The following PRKG1 variants were observed in gnomAD, a reference collection of about 807,000 sequenced individuals.
The protein encoded by PRKG1 is protein kinase cGMP-dependent 1.
In PRKG1, 35 loss-of-function variants were observed where a neutral mutation model predicts 88.1. The ratio of observed to expected loss-of-function variants is 0.40; its 90% confidence interval spans 0.30 to 0.53. PRKG1 has a LOEUF of 0.53. Among genes scored for constraint, PRKG1 ranks in the 20% least tolerant of loss-of-function variants. The pLI is 0.59. For synonymous variants in PRKG1, 303 were observed against 292.5 expected (o/e 1.04, Z -0.37); for missense variants, 540 against 839.8 (o/e 0.64, Z 4.41).
intron 11 of PRKG1, 134 bp from the exon 12 acceptor site, chr10:52,272,258 G>A (rs1457832441): frequency 1.8e-6 from 1 of 556,518 alleles, no homozygotes; most frequent in Non-Finnish European, 3.1e-6. Context: ...CCCCATGTGT[G>A]GGCTTAGATC....
At chr10:51,875,470 G>A (rs998364111) in intron 4 of PRKG1, among the ~76,000 whole-genome samples, 1 of 151,828 alleles carries the variant, frequency 6.6e-6, no homozygotes, top group Non-Finnish European at 1.5e-5. Flanking sequence ...ACAGGGTCTC[G>A]CTATGCTGCC....
At chr10:52,208,173 T>C (rs1839870908) in intron 9 of PRKG1, among the ~76,000 whole-genome samples, 1 of 152,192 alleles carries the variant, frequency 6.6e-6, no homozygotes, top group South Asian at 2.1e-4. Context: ...TATGATCTTG[T>C]TATAGCTTTG....
intron 3 of PRKG1, among the ~76,000 whole-genome samples, chr10:51,559,611 C>G (rs1190295857): frequency 2.0e-5 from 3 of 151,996 alleles, no homozygotes; most frequent in Non-Finnish European, 4.4e-5. Context: ...GGAACAAACA[C>G]TTTTTTAATG....
At chr10:51,519,480 C>T (rs1841680409) in intron 3 of PRKG1, among the ~76,000 whole-genome samples, 1 of 151,840 alleles carries the variant, frequency 6.6e-6, no homozygotes, top group South Asian at 2.1e-4. Flanking sequence ...TTGAGAAACA[C>T]TTGGAAAAAA....
intron 3 of PRKG1, among the ~76,000 whole-genome samples, chr10:51,774,449 T>G (rs926983125): frequency 6.6e-6 from 1 of 152,120 alleles, no homozygotes; most frequent in Non-Finnish European, 1.5e-5. Context: ...TACGGTTCTT[T>G]CCTTATTTAA....
At chr10:51,470,705 T>C (rs1250405537) in intron 3 of PRKG1, among the ~76,000 whole-genome samples, 1 of 151,930 alleles carries the variant, frequency 6.6e-6, no homozygotes, top group African/African-American at 2.4e-5. Flanking sequence ...ATATGATCAG[T>C]ACACCTGTGG....
At chr10:51,553,766 T>C (rs1320895119) in intron 3 of PRKG1, among the ~76,000 whole-genome samples, 3 of 133,084 alleles carry the variant, frequency 2.3e-5, no homozygotes, top group Admixed American at 7.6e-5. Flanking sequence ...TAGATACGTG[T>C]ATATAATATA....
intron 1 of PRKG1, among the ~76,000 whole-genome samples, chr10:51,144,081 T>C (rs577736829): frequency 6.6e-6 from 1 of 152,248 alleles, no homozygotes; most frequent in African/African-American, 2.4e-5. Flanking sequence ...TATGTTTTCC[T>C]CTAGTAGCTT....
intron 4 of PRKG1, among the ~76,000 whole-genome samples, chr10:51,858,787 C>T (rs1840787339): frequency 6.6e-6 from 1 of 152,070 alleles, no homozygotes; most frequent in Non-Finnish European, 1.5e-5. Flanking sequence ...TCAATAAAGG[C>T]ACTTTCAAAC....
At chr10:51,583,027 C>T (rs904453088) in intron 3 of PRKG1, among the ~76,000 whole-genome samples, 3 of 152,062 alleles carry the variant, frequency 2.0e-5, no homozygotes, top group Admixed American at 1.3e-4. Flanking sequence ...TTGGAAGATA[C>T]AGTTGATTTT....
rs146961310 is a variant in PRKG1 at position 51,742,619 on chromosome 10, T to G, written c.593-61966T>G. 2.8e-3 allele frequency among the ~76,000 whole-genome samples: 427 copies of G among 152,256 alleles called. 3 individuals are homozygous for G. The highest frequency in any genetic ancestry group is 0.01 in the Middle Eastern group (3 of 294). On this transcript the variant is annotated intron_variant, in intron 3 of 17. Transcript: ENST00000373980. The stretch of plus-strand genomic sequence containing the variant: ...GAGGAATCTGCAAGAAAAGGTAATG[T>G]GGAGTTGTGGTGGGTGCTGAGTTTT...
At chr10:51,753,565 T>G (rs1329837134) in intron 3 of PRKG1, among the ~76,000 whole-genome samples, 1 of 152,194 alleles carries the variant, frequency 6.6e-6, no homozygotes, top group Non-Finnish European at 1.5e-5. Context: ...ATCATTAAAT[T>G]GATAGGCATG....
At chr10:51,379,024 T>A (rs2132624434) in intron 2 of PRKG1, among the ~76,000 whole-genome samples, 1 of 152,314 alleles carries the variant, frequency 6.6e-6, no homozygotes. Flanking sequence ...ACAGTCATGG[T>A]GAGCTTGACT....
chr10:51,166,043 G>A (rs1201588116), intron 2 of PRKG1, among the ~76,000 whole-genome samples: 6 of 148,364 alleles, frequency 4.0e-5, no homozygotes, highest in Non-Finnish European at 5.9e-5. Flanking sequence ...CTTTATATTC[G>A]GATCATGCAG....
At chr10:52,293,349 T>G (rs12257997) in intron 17 of PRKG1, among the ~76,000 whole-genome samples, 6 of 150,708 alleles carry the variant, frequency 4.0e-5, no homozygotes, top group Admixed American at 4.0e-4. Flanking sequence ...AGGTAATTTA[T>G]AGATTCAATG....
intron 3 of PRKG1, among the ~76,000 whole-genome samples, chr10:51,686,209 C>T (rs1032248477): frequency 6.6e-6 from 1 of 152,044 alleles, no homozygotes; most frequent in Non-Finnish European, 1.5e-5. Flanking sequence ...AGGTAAACTG[C>T]GTGTCGCGGG....
chr10:51,961,332 G>T (rs1194537323), intron 5 of PRKG1, among the ~76,000 whole-genome samples: 1 of 152,022 alleles, frequency 6.6e-6, no homozygotes, highest in Non-Finnish European at 1.5e-5. Context: ...TTTTTGATCT[G>T]CGTTTGGTTG....
intron 2 of PRKG1, among the ~76,000 whole-genome samples, chr10:51,278,018 C>T (rs1371260096): frequency 6.6e-6 from 1 of 152,174 alleles, no homozygotes; most frequent in Non-Finnish European, 1.5e-5. Context: ...GAGAGGGCAT[C>T]CCTGTCTTGT....
intron 2 of PRKG1, among the ~76,000 whole-genome samples, chr10:51,288,110 CCT>C (rs1261116577): frequency 3.9e-3 from 355 of 91,722 alleles, no homozygotes; most frequent in African/African-American, 0.031. Flanking sequence ...TTTTTTTCTT[CCT>C]ATTTTTTTAT....
Sources: allele counts gnomAD v4.1 joint callset (sites outside exome capture counted in the v4.1 genomes callset), GRCh38; gene constraint gnomAD v4.1.1; transcripts MANE v1.5; gene names NCBI Gene and HGNC (gene_info 2026-07-23, HGNC 2026-07-21).